The following CMSS1 variants were observed in gnomAD, a reference collection of about 807,000 sequenced individuals.
CMSS1 encodes the protein protein CMSS1.
Under a neutral mutation model 43.5 loss-of-function variants are expected in CMSS1, and 33 were observed. That is an observed-to-expected ratio of 0.76 (90% confidence interval 0.57 to 1.01). The LOEUF is 1.01. Ranked by LOEUF, CMSS1 falls within the 50% of genes least tolerant of loss-of-function variation. The pLI is 0.00. For synonymous variants in CMSS1, 115 were observed against 117.2 expected (o/e 0.98, Z 0.12); for missense variants, 313 against 326.4 (o/e 0.96, Z 0.32).
At chr3:100,113,473 T>G (rs774420644) in intron 1 of CMSS1, among the ~76,000 whole-genome samples, 9 of 152,238 alleles carry the variant, frequency 5.9e-5, no homozygotes, top group Non-Finnish European at 1.2e-4. Flanking sequence ...GCTTCTGTTC[T>G]CTGGCTCTCA....
chr3:100,167,865 T>A lies in CMSS1; in HGVS notation c.518+25T>A, dbSNP rs774924370. 4 of 1,493,608 alleles carry A rather than the reference T, an allele frequency of 2.7e-6. No individual in the cohort carries two copies. The South Asian group carries it at 4.7e-5, about 17-fold the overall frequency. The allele number at this position is 1,493,608 out of a possible 1,614,324, so 92.5% of individuals were successfully genotyped here. A position where few individuals can be genotyped will look rare whatever the true frequency, so the allele number is the denominator to read the frequency against. ...GGTTGGAAGGTTCACCTATTCCATA[T>A]CATAAATGTTTTCTGAATAACTGAT... On this transcript the variant is annotated intron_variant, in intron 6 of 9. Transcript: ENST00000421999.
intron 1 of CMSS1, among the ~76,000 whole-genome samples, chr3:99,904,235 G>A (rs74955263): frequency 0.022 from 3,301 of 152,264 alleles, 51 homozygotes; most frequent in Non-Finnish European, 0.036. Context: ...AGGCCAGATT[G>A]TTTCACCATT....
At chr3:99,820,767 T>C (rs1404347197) in intron 1 of CMSS1, among the ~76,000 whole-genome samples, 1 of 152,232 alleles carries the variant, frequency 6.6e-6, no homozygotes, top group African/African-American at 2.4e-5. Flanking sequence ...AAGTCTTTAC[T>C]TAAGTTATTT....
At chr3:100,116,104 T>A (rs2066566415) in intron 1 of CMSS1, among the ~76,000 whole-genome samples, 1 of 152,164 alleles carries the variant, frequency 6.6e-6, no homozygotes, top group Admixed American at 6.5e-5. Context: ...ATATCAGGAG[T>A]CACATAAACG....
intron 1 of CMSS1, among the ~76,000 whole-genome samples, chr3:99,863,557 T>TA (rs1944365333): frequency 1.3e-5 from 2 of 152,240 alleles, no homozygotes; most frequent in South Asian, 4.1e-4. Context: ...GATTGAAAGA[T>TA]ACCCTAGTTG....
chr3:100,172,025 A>C (rs2067114439), intron 7 of CMSS1, 126 bp downstream of exon 7: 1 of 773,704 alleles, frequency 1.3e-6, no homozygotes, highest in Non-Finnish European at 2.1e-6. Context: ...ACATTTAACA[A>C]CTTTTCTGGT....
At chr3:99,907,309 G>C (rs959946330) in intron 1 of CMSS1, among the ~76,000 whole-genome samples, 5 of 151,828 alleles carry the variant, frequency 3.3e-5, no homozygotes, top group Non-Finnish European at 5.9e-5. Flanking sequence ...GTGCAGTGGC[G>C]CAATCTCAGC....
At chr3:100,123,164 T>A (rs1405663023) in intron 1 of CMSS1, among the ~76,000 whole-genome samples, 2 of 152,118 alleles carry the variant, frequency 1.3e-5, no homozygotes, top group African/African-American at 4.8e-5. Context: ...GACAGAGAAC[T>A]GGGGGAGTGA....
intron 1 of CMSS1, among the ~76,000 whole-genome samples, chr3:100,143,317 G>A (rs1162670050): frequency 1.3e-5 from 2 of 152,202 alleles, no homozygotes; most frequent in Non-Finnish European, 2.9e-5. Flanking sequence ...TGTCAAATAA[G>A]ACTGGTAAGA....
At chr3:99,849,362 C>G in intron 1 of CMSS1, 1 of 1,614,150 alleles carries the variant, frequency 6.2e-7, no homozygotes, top group Admixed American at 1.7e-5. Flanking sequence ...CGGTACCTCT[C>G]TAACTCCTTA....
chr3:100,111,987 G>A (rs2066499226), intron 1 of CMSS1, among the ~76,000 whole-genome samples: 2 of 152,176 alleles, frequency 1.3e-5, no homozygotes, highest in Admixed American at 6.6e-5. Flanking sequence ...TGGAGACCAT[G>A]TTTGCCTCAT....
intron 1 of CMSS1, among the ~76,000 whole-genome samples, chr3:100,044,545 A>G (rs1413501380): frequency 6.6e-6 from 1 of 152,188 alleles, no homozygotes; most frequent in Non-Finnish European, 1.5e-5. Context: ...GAGGAACTGA[A>G]AAAAGTCAAG....
intron 1 of CMSS1, among the ~76,000 whole-genome samples, chr3:100,062,090 CTTCTTTTTTTTTTTTTTT>C (rs1282189642): frequency 1.5e-5 from 1 of 67,880 alleles, no homozygotes; most frequent in Non-Finnish European, 2.8e-5. Flanking sequence ...ATCCTGTCTT[CTTCTTTTTTTTTTTTTTT>C]TTTTTTTTTT....
chr3:100,172,289 T>C lies in CMSS1; in HGVS notation c.580-27T>C, dbSNP rs374557033. ...TAGCACTTTCTTAATGACTTCCTTT[T>C]CTTTCTTCTCTTTCATCTTGGAACA... On this transcript the variant is annotated intron_variant, in intron 7 of 9. Coordinates refer to ENST00000421999, the MANE Select transcript of CMSS1 (RefSeq NM_032359.4). 2.2e-5 allele frequency: 35 copies of C among 1,602,472 alleles called. No homozygotes were observed. In the African/African-American group the frequency reaches 4.3e-4, roughly 20 times the overall value.
Position 100,038,691 on chromosome 3 carries a change from A to T in CMSS1, c.65-108282A>T, listed in dbSNP as rs115307090. On this transcript the variant is annotated intron_variant, in intron 1 of 9. Transcript: ENST00000421999. ...TGTTTCTTTCTTTTTAAAGGACACGATCTCAGTCCATGTCCTACATAGTAG... is the reference window on the plus strand; with the variant it reads ...TGTTTCTTTCTTTTTAAAGGACACGTTCTCAGTCCATGTCCTACATAGTAG... 2.6e-3 allele frequency among the ~76,000 whole-genome samples: 389 copies of T among 152,270 alleles called. 2 individuals carry two copies. The highest frequency in any genetic ancestry group is 8.9e-3 in the African/African-American group (369 of 41,564).
At chr3:100,129,427 A>G (rs1242461073) in intron 1 of CMSS1, among the ~76,000 whole-genome samples, 2 of 152,198 alleles carry the variant, frequency 1.3e-5, no homozygotes, top group Admixed American at 1.3e-4. Context: ...TTTCACAGCA[A>G]TAATGATTTT....
At chr3:100,091,987 C>T (rs896278828) in intron 1 of CMSS1, among the ~76,000 whole-genome samples, 1 of 152,150 alleles carries the variant, frequency 6.6e-6, no homozygotes, top group African/African-American at 2.4e-5. Flanking sequence ...TGTCCTAGGG[C>T]AAGTTGCTTG....
intron 1 of CMSS1, among the ~76,000 whole-genome samples, chr3:100,084,504 T>G (rs1461114115): frequency 1.3e-5 from 2 of 152,210 alleles, no homozygotes; most frequent in Non-Finnish European, 2.9e-5. Flanking sequence ...TCCAAAGATT[T>G]GTTTAAAAGG....
rs144497177 is a variant in CMSS1, at chr3:100,075,089, A to G, written c.65-71884A>G. ...TTTTTAGGATATATTTTATTGGTCTATGTTAGTTCCCTTTGTTTTGGTTTA... is the reference window on the plus strand; with the variant it reads ...TTTTTAGGATATATTTTATTGGTCTGTGTTAGTTCCCTTTGTTTTGGTTTA... On this transcript the variant is annotated intron_variant, in intron 1 of 9. Coordinates refer to ENST00000421999, the MANE Select transcript of CMSS1 (RefSeq NM_032359.4). 4.7e-3 allele frequency among the ~76,000 whole-genome samples: 708 copies of G among 152,252 alleles called. 2 individuals carry two copies. Among genetic ancestry groups the G allele is most frequent in the South Asian group, 7.0e-3 (34 of 4,824 alleles).
Sources: gnomAD v4.1 joint callset for allele counts (sites outside exome capture counted in the v4.1 genomes callset) on GRCh38, gnomAD v4.1.1 for gene constraint, MANE v1.5 for transcripts, NCBI Gene and HGNC (gene_info 2026-07-23, HGNC 2026-07-21) for gene names.